DPP10: variants seen among roughly 807,000 people sequenced by gnomAD.
DPP10 encodes dipeptidyl peptidase like 10.
DPP10 carries 33 observed loss-of-function variants against 120.9 expected under a neutral mutation model. That is an observed-to-expected ratio of 0.27 (90% confidence interval 0.21 to 0.37). The LOEUF is 0.37. Ranked by LOEUF, DPP10 falls within the 10% of genes least tolerant of loss-of-function variation. The probability of loss-of-function intolerance (pLI) is 1.00; values close to 1 mark genes in which losing one functional copy is unlikely to be tolerated. For missense variants in DPP10, 816 were observed against 942.8 expected (o/e 0.87, Z 1.76); for synonymous variants, 337 against 326.1 (o/e 1.03, Z -0.36).
chr2:114,590,936 G>A (rs1691409736), intron 1 of DPP10, among the ~76,000 whole-genome samples: 1 of 152,156 alleles, frequency 6.6e-6, no homozygotes, highest in Non-Finnish European at 1.5e-5. Flanking sequence ...GCCTATAAGG[G>A]CCATCTCTAG....
intron 1 of DPP10, among the ~76,000 whole-genome samples, chr2:114,981,854 C>A (rs1215432512): frequency 1.3e-5 from 2 of 151,624 alleles, no homozygotes; most frequent in Non-Finnish European, 2.9e-5. Context: ...TGAGTCTTCT[C>A]CTGGGTCACT....
chr2:114,459,175 T>C (rs1678734701), intron 1 of DPP10, among the ~76,000 whole-genome samples: 1 of 152,224 alleles, frequency 6.6e-6, no homozygotes, highest in Non-Finnish European at 1.5e-5. Flanking sequence ...GGGTTTGTCA[T>C]GGTTGCCGTT....
chr2:114,792,616 C>A (rs1683351854), intron 1 of DPP10, among the ~76,000 whole-genome samples: 1 of 152,198 alleles, frequency 6.6e-6, no homozygotes, highest in African/African-American at 2.4e-5. Flanking sequence ...ACTGTTTACA[C>A]AAACAATATT....
At chr2:115,375,033 C>A (rs924399450) in intron 3 of DPP10, among the ~76,000 whole-genome samples, 2 of 152,200 alleles carry the variant, frequency 1.3e-5, no homozygotes, top group African/African-American at 4.8e-5. Context: ...ATGCAAAGTT[C>A]TGCAGGTAGC....
At chr2:115,075,296 C>T (rs1327727792) in intron 1 of DPP10, among the ~76,000 whole-genome samples, 4 of 152,204 alleles carry the variant, frequency 2.6e-5, no homozygotes, top group African/African-American at 9.7e-5. Flanking sequence ...ATAAATGTCT[C>T]TTGCACATAC....
intron 2 of DPP10, among the ~76,000 whole-genome samples, chr2:115,327,171 A>G (rs538809273): frequency 6.6e-6 from 1 of 152,092 alleles, no homozygotes; most frequent in Non-Finnish European, 1.5e-5. Flanking sequence ...CAGTGCACTA[A>G]CAGGCAGTAC....
intron 1 of DPP10, among the ~76,000 whole-genome samples, chr2:114,730,651 T>C (rs781297937): frequency 6.6e-5 from 10 of 152,138 alleles, no homozygotes; most frequent in Non-Finnish European, 1.3e-4. Context: ...TGGAGTGCAG[T>C]GGCAGGATCT....
At chr2:114,702,452 C>G (rs1175947556) in intron 1 of DPP10, among the ~76,000 whole-genome samples, 1 of 151,932 alleles carries the variant, frequency 6.6e-6, no homozygotes, top group Non-Finnish European at 1.5e-5. Flanking sequence ...GTGGCCATTG[C>G]TCTCTGGAAA....
At position 114,898,145 on chromosome 2, in the gene DPP10, T is replaced by A. The variant is rs376590310; in HGVS notation, c.61-411094T>A. On this transcript the variant is annotated intron_variant, in intron 1 of 25. Transcript: ENST00000410059. ...TGGATTAAGAAAATGTGGCACATAT[T>A]CACCATGGAATACTATGCAGCCATA... Among the ~76,000 whole-genome samples, 134 of 152,278 alleles carry A rather than the reference T, an allele frequency of 8.8e-4. 1 individual carries two copies. Among genetic ancestry groups the A allele is most frequent in the African/African-American group, 3.2e-3 (132 of 41,562 alleles).
At chr2:115,528,660 C>G (rs2078277586) in intron 5 of DPP10, among the ~76,000 whole-genome samples, 1 of 151,700 alleles carries the variant, frequency 6.6e-6, no homozygotes, top group South Asian at 2.1e-4. Context: ...TCCATTCATC[C>G]CATGTAATAA....
At chr2:114,870,973 C>T (rs1690643044) in intron 1 of DPP10, among the ~76,000 whole-genome samples, 1 of 94,972 alleles carries the variant, frequency 1.1e-5, no homozygotes, top group African/African-American at 2.9e-5. Flanking sequence ...TGACATCTAC[C>T]CTCTTTTTCT....
At chr2:115,276,837 C>T (rs1167531226) in intron 1 of DPP10, among the ~76,000 whole-genome samples, 4 of 152,114 alleles carry the variant, frequency 2.6e-5, no homozygotes, top group African/African-American at 9.7e-5. Context: ...CTCTCTACTC[C>T]AAGGATTGCA....
chr2:114,776,672 TA>T (rs1681773020), intron 1 of DPP10, among the ~76,000 whole-genome samples: 1 of 152,092 alleles, frequency 6.6e-6, no homozygotes, highest in Non-Finnish European at 1.5e-5. Flanking sequence ...AACACTACAT[TA>T]AAAAAAGATC....
At chr2:114,829,378 T>C (rs1315635082) in intron 1 of DPP10, among the ~76,000 whole-genome samples, 5 of 151,378 alleles carry the variant, frequency 3.3e-5, no homozygotes, top group Non-Finnish European at 7.4e-5. Flanking sequence ...TTTTGTCTTT[T>C]TTTTTTTTAA....
At chr2:115,019,495 A>G (rs1463638089) in intron 1 of DPP10, among the ~76,000 whole-genome samples, 1 of 152,196 alleles carries the variant, frequency 6.6e-6, no homozygotes, top group Non-Finnish European at 1.5e-5. Flanking sequence ...AAAAAAATGA[A>G]CAAGGCCTTC....
chr2:115,339,303 A>G (rs2063323923), intron 2 of DPP10, among the ~76,000 whole-genome samples: 1 of 152,166 alleles, frequency 6.6e-6, no homozygotes, highest in Non-Finnish European at 1.5e-5. Flanking sequence ...TTTTTTAATG[A>G]CATCAAATGC....
At chr2:114,888,160 A>G (rs1692232199) in intron 1 of DPP10, among the ~76,000 whole-genome samples, 1 of 150,754 alleles carries the variant, frequency 6.6e-6, no homozygotes, top group African/African-American at 2.4e-5. Context: ...AAAAAAAAAA[A>G]GAAAAGAAAA....
chr2:115,016,355 C>G (rs978403628), intron 1 of DPP10, among the ~76,000 whole-genome samples: 8 of 152,074 alleles, frequency 5.3e-5, no homozygotes, highest in Non-Finnish European at 1.2e-4. Context: ...TAAATTAACT[C>G]AAGATGGAAT....
intron 1 of DPP10, among the ~76,000 whole-genome samples, chr2:114,788,221 T>C (rs1682927454): frequency 1.3e-5 from 2 of 152,222 alleles, no homozygotes; most frequent in African/African-American, 2.4e-5. Context: ...TACTTGTTTA[T>C]GGTTCAATCT....
Sources: gnomAD v4.1 joint callset for allele counts (sites outside exome capture counted in the v4.1 genomes callset) on GRCh38, gnomAD v4.1.1 for gene constraint, MANE v1.5 for transcripts, NCBI Gene and HGNC (gene_info 2026-07-23, HGNC 2026-07-21) for gene names.